The following BBS2 variants were observed in gnomAD, a reference collection of about 807,000 sequenced individuals.
BBS2 encodes Bardet-Biedl syndrome 2, also known as BBSome complex member BBS2.
A neutral mutation model predicts 83.0 loss-of-function variants in BBS2; 62 were observed. The observed-to-expected ratio is 0.75, with a 90% CI of 0.61 to 0.92. The LOEUF is 0.92. Among genes scored for constraint, BBS2 ranks in the 40% least tolerant of loss-of-function variants. BBS2 has a pLI of 0.00. For synonymous variants in BBS2, 303 were observed against 326.1 expected (o/e 0.93, Z 0.76); for missense variants, 784 against 901.0 (o/e 0.87, Z 1.66).
Position 56,496,958 on chromosome 16 carries a change from A to G in BBS2, c.1910+9T>C. On this transcript the variant is annotated intron_variant, in intron 15 of 16. Transcript: ENST00000245157. ...CCCTGCACCTGTACTAACCATGACA[A>G]ATACTCACATGTCCCTCATCAGACG... is the stretch of plus-strand genomic sequence containing the variant. The G allele has an allele frequency of 6.2e-7, 1 of 1,600,578 alleles. No homozygotes were observed. The highest frequency in any genetic ancestry group is 8.6e-7 in the Non-Finnish European group (1 of 1,167,640).
Position 56,484,479 on chromosome 16 carries a change from C to T in BBS2, c.*282G>A, listed in dbSNP as rs1320604962. 1.4e-5 allele frequency: 4 copies of T among 292,694 alleles called. No homozygotes were observed. Among genetic ancestry groups the T allele is most frequent in the South Asian group, 9.9e-5 (2 of 20,202 alleles). The allele number at this position is 292,694 out of a possible 1,614,324, so 18.1% of individuals were successfully genotyped here. ...CAAGAAAAAAATATGTATTTATATA[C>T]CATAAATAAGCAAAATTGGACTCTG... On this transcript the variant is annotated 3_prime_UTR_variant, in exon 17 of 17. Transcript: ENST00000245157.
intron 15 of BBS2, among the ~76,000 whole-genome samples, chr16:56,495,656 A>C (rs1964094451): frequency 6.6e-6 from 1 of 152,206 alleles, no homozygotes; most frequent in Non-Finnish European, 1.5e-5. Context: ...CACATTTATA[A>C]GACAACTGGG....
At chr16:56,474,861 G>C (rs776668646) in intron 17 of BBS2, 1 of 1,613,290 alleles carries the variant, frequency 6.2e-7, no homozygotes, top group Non-Finnish European at 8.5e-7. Flanking sequence ...GGGGAACTGA[G>C]GCATTGGAAG....
At chr16:56,516,774 A>G (rs1364601548) in intron 1 of BBS2, among the ~76,000 whole-genome samples, 1 of 152,220 alleles carries the variant, frequency 6.6e-6, no homozygotes, top group Non-Finnish European at 1.5e-5. Context: ...CTGTAAGGAT[A>G]AAGTCCTGTT....
At chr16:56,478,973 A>G (rs1963591741) in intron 17 of BBS2, 1 of 152,192 alleles carries the variant, frequency 6.6e-6, no homozygotes, top group Non-Finnish European at 1.5e-5. Flanking sequence ...ATAGTACTTC[A>G]TTTTGCATCT....
In BBS2 at chr16:56,502,464, G is replaced by A. The variant is rs373354290; in HGVS notation, c.941-8C>T. The A allele has an allele frequency of 9.9e-6, 16 of 1,614,006 alleles. No individual in the cohort carries two copies. Among genetic ancestry groups the A allele is most frequent in the African/African-American group, 2.7e-5 (2 of 74,916 alleles). ...CAGGCAGGTAGCCCCGGACTGAACA[G>A]AAGGAAAAAACCGCAAGTATAACCA... On this transcript the variant is annotated splice_polypyrimidine_tract_variant and splice_region_variant and intron_variant, in intron 8 of 16. Coordinates refer to ENST00000245157, the MANE Select transcript of BBS2 (RefSeq NM_031885.5).
intron 12 of BBS2, chr16:56,499,573 G>A (rs1204653076): frequency 1.7e-6 from 1 of 572,156 alleles, no homozygotes; most frequent in African/African-American, 1.9e-5. Flanking sequence ...ACTGAGGATT[G>A]CTCAGATGCT....
chr16:56,511,953 G>A (rs1964589426), intron 2 of BBS2, among the ~76,000 whole-genome samples: 1 of 152,094 alleles, frequency 6.6e-6, no homozygotes, highest in Non-Finnish European at 1.5e-5. Context: ...ATATAAATCT[G>A]ACAAAGAGTT....
intron 1 of BBS2, among the ~76,000 whole-genome samples, 185 bp from the exon 2 acceptor site, chr16:56,514,865 C>A (rs2288058): frequency 1.3e-5 from 2 of 151,962 alleles, no homozygotes; most frequent in East Asian, 3.9e-4. Context: ...TATGAAATCA[C>A]GGAAATCCAG....
At chr16:56,512,827 T>C (rs1451546190) in intron 2 of BBS2, among the ~76,000 whole-genome samples, 1 of 152,228 alleles carries the variant, frequency 6.6e-6, no homozygotes, top group Non-Finnish European at 1.5e-5. Flanking sequence ...CATTTTCATG[T>C]ATGTACATTT....
intron 5 of BBS2, among the ~76,000 whole-genome samples, 184 bp from the exon 6 acceptor site, chr16:56,506,408 T>A (rs1193309587): frequency 4.6e-5 from 7 of 152,176 alleles, no homozygotes; most frequent in Non-Finnish European, 7.3e-5. Flanking sequence ...TACTTCAGAG[T>A]TGTATAATCA....
chr16:56,480,359 A>AAAAAAAAAAAAAC (rs1555519791), downstream of BBS2, among the ~76,000 whole-genome samples: 2 of 142,802 alleles, frequency 1.4e-5, no homozygotes, highest in African/African-American at 5.4e-5. Flanking sequence ...ACACAAAAAA[A>AAAAAAAAAAAAAC]AAAAAACAAA....
intron 5 of BBS2, chr16:56,509,451 G>A (rs1294348438): frequency 6.1e-6 from 1 of 164,078 alleles, no homozygotes; most frequent in Non-Finnish European, 1.3e-5. Flanking sequence ...GCAGTAAGCC[G>A]AGATCGCACC....
chr16:56,478,746 T>A (rs1410096267), intron 17 of BBS2: 1 of 152,272 alleles, frequency 6.6e-6, no homozygotes, highest in Admixed American at 6.5e-5. Flanking sequence ...TATCTCAGTG[T>A]GTTTATGATC....
At chr16:56,480,352 C>CCAAA (rs1555519770), downstream of BBS2, among the ~76,000 whole-genome samples, 55 of 76,508 alleles carry the variant, frequency 7.2e-4, 2 homozygotes, top group South Asian at 4.0e-3. Flanking sequence ...CACACACACA[C>CCAAA]AAAAAAAAAA....
In BBS2 at chr16:56,485,673, T is replaced by C; in HGVS notation, c.1976A>G (p.Lys659Arg). The change falls in exon 16 of 17, where the codon AAA becomes AGA. Residue 659 changes from lysine to arginine, a missense_variant. Physicochemically the swap from Lys to Arg is conservative, Grantham distance 26 (BLOSUM62 2). Transcript: ENST00000245157. The part of the protein sequence containing the change: ...DLNRDLLNGY[K>R]IRCNNHTELL... ...CTCTGTGTGATTGTTACAGCGAATTTTATATCCATTTAGCAAGTCTCTATT... is the reference window on the plus strand; with the variant it reads ...CTCTGTGTGATTGTTACAGCGAATTCTATATCCATTTAGCAAGTCTCTATT... 1.2e-6 allele frequency: 2 copies of C among 1,614,046 alleles called. No individual in the cohort carries two copies. Among genetic ancestry groups the C allele is most frequent in the African/African-American group, 1.3e-5 (1 of 75,060 alleles).
intron 17 of BBS2, among the ~76,000 whole-genome samples, chr16:56,471,987 G>A (rs1282776109): frequency 2.0e-5 from 3 of 151,544 alleles, no homozygotes; most frequent in East Asian, 1.9e-4. Flanking sequence ...TTTGAGACAC[G>A]GTCTTGCACT....
intron 11 of BBS2, chr16:56,500,624 CAA>C (rs1304358431): frequency 0.066 from 18,565 of 280,202 alleles, no homozygotes; most frequent in South Asian, 0.081. Flanking sequence ...GAATCTGTCT[CAA>C]AAAAAAAAAA....
chr16:56,514,841 CA>C (rs756137844), intron 1 of BBS2, among the ~76,000 whole-genome samples, 161 bp from the exon 2 acceptor site: 12 of 152,176 alleles, frequency 7.9e-5, no homozygotes, highest in Non-Finnish European at 1.6e-4. Flanking sequence ...AATGCATGGA[CA>C]ACTTTCAGTC....
Sources: allele counts gnomAD v4.1 joint callset (sites outside exome capture counted in the v4.1 genomes callset), GRCh38; gene constraint gnomAD v4.1.1; transcripts MANE v1.5; gene names NCBI Gene and HGNC (gene_info 2026-07-23, HGNC 2026-07-21).